HYI: variants seen among roughly 807,000 people sequenced by gnomAD.
The protein encoded by HYI is hydroxypyruvate isomerase (putative).
Under a neutral mutation model 39.7 loss-of-function variants are expected in HYI, and 47 were observed. That is an observed-to-expected ratio of 1.18 (90% CI 0.94 to 1.51). HYI has a LOEUF of 1.51. Among genes scored for constraint, HYI ranks in the 40% most tolerant of loss-of-function variants. The pLI is 0.00. For synonymous variants in HYI, 186 were observed against 158.8 expected (o/e 1.17, Z -1.29); for missense variants, 465 against 370.3 (o/e 1.26, Z -2.10).
downstream of HYI, chr1:43,450,697 G>C: frequency 1.3e-6 from 1 of 742,774 alleles, no homozygotes; most frequent in Non-Finnish European, 2.3e-6. This position sits in a 1 kb window ranked among gnomAD's most constrained non-coding sequence, Gnocchi z 4.3. Context: ...ACCCATCCAG[G>C]ACTCCAGAGA....
Position 43,452,188 on chromosome 1 carries a change from G to A in HYI, c.426+17C>T. 1 of 1,597,274 alleles carries A rather than the reference G, an allele frequency of 6.3e-7. No individual in the cohort carries two copies. The highest frequency in any genetic ancestry group is 8.6e-7 in the Non-Finnish European group (1 of 1,167,372). On this transcript the variant is annotated intron_variant, in intron 3 of 7. Transcript: ENST00000372430. Reference sequence around the variant, plus strand: ...CACAGAGACATGTAAGTACGTGTGTGTTTCCACCTTTCTCACCTGAGCCAA... The same window carrying A: ...CACAGAGACATGTAAGTACGTGTGTATTTCCACCTTTCTCACCTGAGCCAA...
chr1:43,453,526 G>C, intron 1 of HYI, 29 bp from the exon 2 acceptor site: 3 of 1,532,446 alleles, frequency 2.0e-6, no homozygotes, highest in Non-Finnish European at 8.8e-7. Context: ...TCAGCCCCCG[G>C]CTCGGACACT....
chr1:43,451,584 G>A lies in HYI; in HGVS notation c.626-40C>T, dbSNP rs376136744. The A allele has an allele frequency of 2.5e-6, 4 of 1,613,398 alleles. No homozygotes were observed. The African/African-American group carries it at 4.0e-5, about 16-fold the overall frequency. On this transcript the variant is annotated intron_variant, in intron 6 of 7. Transcript: ENST00000372430. ...GGACAAATGTGGGGTCCAGGCTCCT[G>A]CCAGGGCCTGAAGGACAGATGTGGG...
In HYI at chr1:43,453,778, A is replaced by G; in HGVS notation, c.16T>C (p.Phe6Leu). ...AATAGCCAGGACAGATTGGCGGAGA[A>G]GCGCAGCGGCGCCATGCCTGGGGAG... MAPLR[F>L]SANLSWLFPE... is the part of the protein sequence containing the mutation. Residue 6 changes from phenylalanine to leucine, a missense_variant, in exon 1 of 8, where the codon TTC (phenylalanine) becomes CTC (leucine). Transcript: ENST00000372430. 3.1e-6 allele frequency: 4 copies of G among 1,287,572 alleles called. No individual in the cohort carries two copies. The highest frequency in any genetic ancestry group is 2.9e-6 in the Non-Finnish European group (3 of 1,020,558). 79.8% of individuals were successfully genotyped at this position (1,287,572 alleles called of 1,614,324 possible). A position where few individuals can be genotyped will look rare whatever the true frequency, so the allele number is the denominator to read the frequency against.
intron 2 of HYI, chr1:43,452,819 A>G: frequency 7.2e-7 from 1 of 1,398,542 alleles, no homozygotes; most frequent in Non-Finnish European, 9.9e-7. Context: ...TGAGCCGTCC[A>G]CCTCCTCCCA....
chr1:43,452,423 A>G lies in HYI; in HGVS notation c.312-104T>C. 2.3e-6 allele frequency: 2 copies of G among 881,438 alleles called. 1 individual carries two copies. The highest frequency in any genetic ancestry group is 4.0e-5 in the Admixed American group (2 of 50,200). The allele number at this position is 881,438 out of a possible 1,614,324, so 54.6% of individuals were successfully genotyped here. A position where few individuals can be genotyped will look rare whatever the true frequency, so the allele number is the denominator to read the frequency against. Reference sequence around the variant, plus strand: ...CCCTCGTCCGTCTCCCCAGGTCTCCAGTCCATGGCACCTGGGTCACGATGC... The same window carrying G: ...CCCTCGTCCGTCTCCCCAGGTCTCCGGTCCATGGCACCTGGGTCACGATGC... On this transcript the variant is annotated intron_variant, in intron 2 of 7. Transcript: ENST00000372430.
In HYI at chr1:43,453,626, C is replaced by T. The variant is rs531908610; in HGVS notation, c.168G>A (p.Gly56=). Residue 56 remains glycine, a synonymous_variant, in exon 1 of 8, where the codon GGG becomes GGA. Transcript: ENST00000372430. ...EALARAAREA[G]LRLVLINTPP... ...GCGTGTTGATCAGTACAAGCCGCAGCCCCGCTTCTCGCGCGGCGCGCGCCA... is the reference window on the plus strand; with the variant it reads ...GCGTGTTGATCAGTACAAGCCGCAGTCCCGCTTCTCGCGCGGCGCGCGCCA... 2.0e-4 allele frequency: 304 copies of T among 1,496,174 alleles called. 5 individuals carry two copies. In the East Asian group the frequency reaches 7.2e-3, roughly 35 times the overall value. The allele number at this position is 1,496,174 out of a possible 1,614,324, so 92.7% of individuals were successfully genotyped here.
At chr1:43,452,914 C>A in intron 2 of HYI, 1 of 1,604,412 alleles carries the variant, frequency 6.2e-7, no homozygotes, top group Non-Finnish European at 8.5e-7. Context: ...TGTCCAGCCT[C>A]AGGAACGCTG....
rs1656515238 is a variant in HYI at position 43,452,221 on chromosome 1, G to T, written c.410C>A (p.Ala137Asp). Residue 137 changes from alanine (A) to aspartate (D), a missense_variant, in exon 3 of 8, where the codon GCT (alanine) becomes GAT (aspartate). Transcript: ENST00000372430. ...CTTTCTCACCTGAGCCAAAACCCCA[G>T]CTGCATGCCTCAGGTTCTCCAGAAA... ...AVFLENLRHA[A>D]GVLAQEDLVG... The T allele has an allele frequency of 6.2e-7, 1 of 1,613,402 alleles. No homozygotes were observed. Among genetic ancestry groups the T allele is most frequent in the Non-Finnish European group, 8.5e-7 (1 of 1,179,636 alleles).
At chr1:43,453,189 A>G (rs1570766790) in intron 2 of HYI, 197 bp downstream of exon 2, 1 of 640,586 alleles carries the variant, frequency 1.6e-6, no homozygotes, top group East Asian at 2.7e-5. Context: ...GCATGGGGTG[A>G]GCATGAAAGA....
rs771141637 is a variant in HYI at position 43,453,719 on chromosome 1, C to G, written c.75G>C (p.Arg25=). The change falls in exon 1 of 8, where the codon CGG becomes CGC. Residue 25 remains arginine, a synonymous_variant. Coordinates refer to ENST00000372430, the MANE Select transcript of HYI (RefSeq NM_001190880.3). ...PELSGLPARV[R]AAGSSGFEAV... is the part of the protein sequence containing the mutation. ...CCTCGAAGCCCGAGCTGCCCGCGGC[C>G]CGCACCCGCGCGGGGAGGCCGGAGA... 1 of 1,396,482 alleles carries G rather than the reference C, an allele frequency of 7.2e-7. No individual in the cohort carries two copies. The highest frequency in any genetic ancestry group is 1.6e-5 in the South Asian group (1 of 62,918). The allele number at this position is 1,396,482 out of a possible 1,614,324, so 86.5% of individuals were successfully genotyped here. A position where few individuals can be genotyped will look rare whatever the true frequency, so the allele number is the denominator to read the frequency against.
At position 43,453,385 on chromosome 1, in the gene HYI, C is replaced by A; in HGVS notation, c.311+1G>T. 6.5e-7 allele frequency: 1 copy of A among 1,546,980 alleles called. No homozygotes were observed. The highest frequency in any genetic ancestry group is 8.7e-7 in the Non-Finnish European group (1 of 1,143,166). ...GGTGGGGGTGGGGTGGAGCGGGGTA[C>A]CTGGGACAGCCCAGGGCTTTGGCAT... On this transcript the variant is annotated splice_donor_variant, in intron 2 of 7. Coordinates refer to ENST00000372430, the MANE Select transcript of HYI (RefSeq NM_001190880.3). LOFTEE classifies it high-confidence loss of function.
intron 5 of HYI, 37 bp from the exon 6 acceptor site, chr1:43,451,754 G>A (rs1327414636): frequency 2.5e-6 from 4 of 1,613,518 alleles, no homozygotes; most frequent in Non-Finnish European, 3.4e-6. Context: ...GACCCCGCAG[G>A]CCCCGCCCTC....
In HYI at chr1:43,453,102, C is replaced by T. The variant is rs907572913; in HGVS notation, c.311+284G>A. The stretch of plus-strand genomic sequence containing the variant: ...GCTCCCACAGCTTCCTGGAATAGGC[C>T]TGTCCTCAAATGCATCACTGTATAT... On this transcript the variant is annotated intron_variant, in intron 2 of 7. Transcript: ENST00000372430. 51 of 775,606 alleles carry T rather than the reference C, an allele frequency of 6.6e-5. No homozygotes were observed. The African/African-American group carries it at 8.2e-4, about 12-fold the overall frequency. 48.0% of individuals were successfully genotyped at this position (775,606 alleles called of 1,614,324 possible).
At position 43,451,334 on chromosome 1, in the gene HYI, GCA is replaced by G. The variant is rs776262902; in HGVS notation, c.761-25_761-24del. 260 of 1,612,850 alleles carry G rather than the reference GCA, an allele frequency of 1.6e-4. 2 individuals carry two copies. Among genetic ancestry groups the G allele is most frequent in the Non-Finnish European group, 8.5e-5 (100 of 1,179,952 alleles). ...CTCCTGCAGGGAGAGGGAGGCCTCG[GCA>G]CCTCAGCCCACAAGGAGAAAACAGC... On this transcript the variant is annotated intron_variant, in intron 7 of 7. Transcript: ENST00000372430.
rs373843299 is a variant in HYI at position 43,451,931 on chromosome 1, G to A, written c.505+4C>T. The A allele has an allele frequency of 5.5e-5, 89 of 1,612,224 alleles. No homozygotes were observed. The highest frequency in any genetic ancestry group is 9.3e-5 in the African/African-American group (7 of 74,872). On this transcript the variant is annotated splice_donor_region_variant and intron_variant, in intron 4 of 7. Transcript: ENST00000372430. Reference sequence around the variant, plus strand: ...CAGAAGGAGAGACAGGGCTGGGGTCGTACCCTGCTGGGGCGTGTCCAGGAA... The same window carrying A: ...CAGAAGGAGAGACAGGGCTGGGGTCATACCCTGCTGGGGCGTGTCCAGGAA...
chr1:43,453,177 C>T, intron 2 of HYI: 1 of 649,580 alleles, frequency 1.5e-6, no homozygotes, highest in Admixed American at 2.4e-5. Context: ...CATGGGATCC[C>T]AGCATGGGGT....
chr1:43,453,608 G>C lies in HYI; in HGVS notation c.186C>G (p.Ile62Met). 1 of 1,530,152 alleles carries C rather than the reference G, an allele frequency of 6.5e-7. No individual in the cohort carries two copies. The highest frequency in any genetic ancestry group is 2.5e-5 in the East Asian group (1 of 40,544). The allele number at this position is 1,530,152 out of a possible 1,614,324, so 94.8% of individuals were successfully genotyped here. ...AREAGLRLVL[I>M]NTPPGDQEKG... ...CCCGCGACGCACCCGGGGGCGTGTT[G>C]ATCAGTACAAGCCGCAGCCCCGCTT... Residue 62 changes from isoleucine to methionine, a missense_variant, in exon 1 of 8, where the codon ATC becomes ATG. By Grantham distance (10) the Ile-to-Met change is conservative. Transcript: ENST00000372430.
chr1:43,453,562 C>A (rs1034392506), intron 1 of HYI, 33 bp downstream of exon 1: 1 of 1,514,056 alleles, frequency 6.6e-7, no homozygotes, highest in Non-Finnish European at 8.9e-7. Flanking sequence ...CGGCACCCCC[C>A]AGCCCTCCCA....
Sources: allele counts gnomAD v4.1 joint callset, GRCh38; gene constraint gnomAD v4.1.1; non-coding constraint Gnocchi (gnomAD v3.1); transcripts MANE v1.5; gene names NCBI Gene and HGNC (gene_info 2026-07-23, HGNC 2026-07-21).